DCAF10: variants seen among roughly 807,000 people sequenced by gnomAD.
DCAF10 encodes the protein DDB1 and CUL4 associated factor 10.
DCAF10 carries 19 observed loss-of-function variants against 51.9 expected under a neutral mutation model. The observed-to-expected ratio is 0.37, with a 90% CI of 0.26 to 0.54. The LOEUF (loss-of-function observed/expected upper bound fraction) is 0.54, where lower values mean the gene tolerates loss of function less well. DCAF10 is among the 20% of genes least tolerant of loss of function. The pLI is 0.87. For missense variants in DCAF10, 510 were observed against 730.6 expected (o/e 0.70, Z 3.48); for synonymous variants, 291 against 297.1 (o/e 0.98, Z 0.21).
chr9:37,845,743 C>T lies in DCAF10; in HGVS notation c.851+3457C>T, dbSNP rs540235219. 5.3e-5 allele frequency among the ~76,000 whole-genome samples: 8 copies of T among 152,268 alleles called. No individual in the cohort carries two copies. The East Asian group carries it at 7.7e-4, about 15-fold the overall frequency. The stretch of plus-strand genomic sequence containing the variant: ...CAAAAGTCCCCCTTACACAATATGG[C>T]GATTCCAGGACCCTGTTCCAGCACA... On this transcript the variant is annotated intron_variant, in intron 3 of 6. Transcript: ENST00000377724.
intron 1 of DCAF10, among the ~76,000 whole-genome samples, chr9:37,816,659 G>GGGGGTGTGTGTGTGT (rs372664140): frequency 1.4e-5 from 2 of 144,890 alleles, no homozygotes; most frequent in African/African-American, 5.0e-5. Flanking sequence ...CTGCACCTGG[G>GGGGGTGTGTGTGTGT]GTGTGTGTGT....
Position 37,861,301 on chromosome 9 carries a change from T to C in DCAF10, c.1473T>C (p.His491=), listed in dbSNP as rs1246859715. The C allele has an allele frequency of 2.5e-6, 4 of 1,614,092 alleles. No homozygotes were observed. The highest frequency in any genetic ancestry group is 2.5e-6 in the Non-Finnish European group (3 of 1,180,044). ...ATGGACGAATGATTTCTTCCCCACA[T>C]GGCTATGGGATTCGCTTGTTGGGAT... is the stretch of plus-strand genomic sequence containing the variant. ...SPDGRMISSP[H]GYGIRLLGFD... is the part of the protein sequence containing the mutation. Residue 491 remains histidine (H), a synonymous_variant, in exon 7 of 7, where the codon CAT becomes CAC. Coordinates refer to ENST00000377724, the MANE Select transcript of DCAF10 (RefSeq NM_024345.5). This position sits in a 1 kb window ranked among gnomAD's most constrained non-coding sequence, Gnocchi z 4.9.
At chr9:37,826,900 A>G (rs1245806252) in intron 2 of DCAF10, among the ~76,000 whole-genome samples, 2 of 139,214 alleles carry the variant, frequency 1.4e-5, no homozygotes, top group Non-Finnish European at 3.0e-5. Flanking sequence ...ATCTCGGCTC[A>G]CCACAACCTC....
At chr9:37,850,829 TATATATATATATATATATA>T (rs1180556937) in intron 3 of DCAF10, among the ~76,000 whole-genome samples, 8,695 of 67,842 alleles carry the variant, frequency 0.13, 632 homozygotes, top group African/African-American at 0.15. Flanking sequence ...ATATATTTTA[TATATATATATATATATATA>T]TATATATATA....
At chr9:37,840,400 T>C (rs752387164) in intron 2 of DCAF10, among the ~76,000 whole-genome samples, 1 of 152,188 alleles carries the variant, frequency 6.6e-6, no homozygotes, top group East Asian at 1.9e-4. Flanking sequence ...GATGTGGAGA[T>C]GGAAGACAGT....
At chr9:37,831,688 T>C (rs1830011040) in intron 2 of DCAF10, among the ~76,000 whole-genome samples, 1 of 152,248 alleles carries the variant, frequency 6.6e-6, no homozygotes. Context: ...TACTTCATAT[T>C]TTGGGAAAGT....
Position 37,861,809 on chromosome 9 carries a change from C to A in DCAF10, c.*301C>A, listed in dbSNP as rs1831027963. On this transcript the variant is annotated 3_prime_UTR_variant, in exon 7 of 7. Transcript: ENST00000377724. This position sits in a 1 kb window ranked among gnomAD's most constrained non-coding sequence, Gnocchi z 4.9. ...GTAGCTCTTGTCACGTTCCTTCCTTCCTCACTCTCTATTTCTCTTTCCCTC... is the reference window on the plus strand; with the variant it reads ...GTAGCTCTTGTCACGTTCCTTCCTTACTCACTCTCTATTTCTCTTTCCCTC... 3.7e-6 allele frequency: 1 copy of A among 267,356 alleles called. No individual in the cohort carries two copies. Among genetic ancestry groups the A allele is most frequent in the African/African-American group, 2.1e-5 (1 of 46,930 alleles). 16.6% of individuals were successfully genotyped at this position (267,356 alleles called of 1,614,324 possible).
In DCAF10 at chr9:37,801,229, T is replaced by C. The variant is rs746844095; in HGVS notation, c.363T>C (p.Ala121=). Residue 121 remains alanine (A), a synonymous_variant, in exon 1 of 7, where the codon GCT becomes GCC. Coordinates refer to ENST00000377724, the MANE Select transcript of DCAF10 (RefSeq NM_024345.5). This position sits in a 1 kb window ranked among gnomAD's most constrained non-coding sequence, Gnocchi z 5.5. ...GCGCGGGCCTGGGCGGCCCTGGCGC[T>C]AGGCTGTTCGGGTGGCTGAAAGAGC... is the stretch of plus-strand genomic sequence containing the variant. ...GLGAGLGGPG[A]RLFGWLKERS... is the part of the protein sequence containing the mutation. The C allele has an allele frequency of 7.6e-6, 12 of 1,574,444 alleles. No individual in the cohort carries two copies. The Admixed American group carries it at 2.2e-4, about 28-fold the overall frequency.
chr9:37,834,678 T>G (rs1830100006), intron 2 of DCAF10, among the ~76,000 whole-genome samples: 3 of 152,256 alleles, frequency 2.0e-5, no homozygotes, highest in Admixed American at 1.3e-4. Context: ...TAAAATATCT[T>G]TGTTATTTTT....
chr9:37,836,224 A>C, intron 2 of DCAF10: 1 of 1,531,894 alleles, frequency 6.5e-7, no homozygotes, highest in Non-Finnish European at 9.0e-7. Flanking sequence ...AGATGTTTAG[A>C]GTTAGAACAT....
Position 37,862,331 on chromosome 9 carries a change from A to C in DCAF10, c.*823A>C, listed in dbSNP as rs1831041153. On this transcript the variant is annotated 3_prime_UTR_variant, in exon 7 of 7. Transcript: ENST00000377724. ...GGTTATTTCTATTGCACAGAAAAGG[A>C]TTTTTAAAATTAGATTAGTATAATA... 6.6e-6 allele frequency: 1 copy of C among 152,592 alleles called. No individual in the cohort carries two copies. Among genetic ancestry groups the C allele is most frequent in the Non-Finnish European group, 1.5e-5 (1 of 68,044 alleles). The allele number at this position is 152,592 out of a possible 1,614,324, so 9.5% of individuals were successfully genotyped here. A position where few individuals can be genotyped will look rare whatever the true frequency, so the allele number is the denominator to read the frequency against.
chr9:37,822,206 G>T (rs1231310124), intron 2 of DCAF10, among the ~76,000 whole-genome samples: 1 of 152,166 alleles, frequency 6.6e-6, no homozygotes, highest in African/African-American at 2.4e-5. Context: ...AAAACAGTGT[G>T]GAGATTCCTT....
intron 3 of DCAF10, among the ~76,000 whole-genome samples, chr9:37,852,075 TAA>T (rs1830667683): frequency 6.6e-6 from 1 of 151,534 alleles, no homozygotes; most frequent in African/African-American, 2.4e-5. Flanking sequence ...TAAAGATAAA[TAA>T]AAAGAGATCC....
chr9:37,842,038 C>T, intron 2 of DCAF10, 51 bp from the exon 3 acceptor site: 2 of 1,541,722 alleles, frequency 1.3e-6, no homozygotes, highest in African/African-American at 1.4e-5. Flanking sequence ...AATCAATTTT[C>T]CTTTAAAAAG....
At chr9:37,849,523 G>A (rs1436657726) in intron 3 of DCAF10, among the ~76,000 whole-genome samples, 1 of 152,082 alleles carries the variant, frequency 6.6e-6, no homozygotes, top group Non-Finnish European at 1.5e-5. Flanking sequence ...CAAGGTGGGA[G>A]GACTGTGTGA....
intron 2 of DCAF10, among the ~76,000 whole-genome samples, chr9:37,839,161 T>TCTCTGC (rs932802266): frequency 5.3e-5 from 8 of 151,936 alleles, no homozygotes; most frequent in Admixed American, 3.3e-4. Context: ...TTCAAGCAAT[T>TCTCTGC]CTCTGCCTCT....
chr9:37,817,592 C>T (rs1490933891), intron 1 of DCAF10, among the ~76,000 whole-genome samples: 2 of 151,772 alleles, frequency 1.3e-5, no homozygotes, highest in Non-Finnish European at 1.5e-5. Context: ...AGCGAGACTT[C>T]GTCTCAGAAA....
intron 1 of DCAF10, among the ~76,000 whole-genome samples, chr9:37,808,695 T>TATATAAA (rs1829221514): frequency 1.8e-4 from 1 of 5,414 alleles, no homozygotes; most frequent in African/African-American, 2.4e-4. Context: ...AAATATATAT[T>TATATAAA]TATATATTTA....
At chr9:37,806,928 A>G (rs1041721885) in intron 1 of DCAF10, among the ~76,000 whole-genome samples, 2 of 152,184 alleles carry the variant, frequency 1.3e-5, no homozygotes, top group Non-Finnish European at 2.9e-5. Flanking sequence ...AAGGTTCTGT[A>G]CCTTGGTGTA....
Sources: allele counts gnomAD v4.1 joint callset (sites outside exome capture counted in the v4.1 genomes callset), GRCh38; gene constraint gnomAD v4.1.1; non-coding constraint Gnocchi (gnomAD v3.1); transcripts MANE v1.5; gene names NCBI Gene and HGNC (gene_info 2026-07-23, HGNC 2026-07-21).